Variants in ZFHX3 observed in about 807,000 individuals in gnomAD.
ZFHX3 encodes the protein zinc finger homeobox 3, also known as zinc finger homeobox protein 3.
Under a neutral mutation model 279.1 loss-of-function variants are expected in ZFHX3, and 42 were observed. That is an observed-to-expected ratio of 0.15 (90% CI 0.12 to 0.19). ZFHX3 has a LOEUF of 0.19. ZFHX3 is among the 10% of genes least tolerant of loss of function. The pLI is 1.00. For synonymous variants in ZFHX3, 2,293 were observed against 1,957.8 expected, an observed-to-expected ratio of 1.17 and a Z score of -4.52; for missense variants, 4,981 against 4,754.0, an observed-to-expected ratio of 1.05 and a Z score of -1.40.
At chr16:73,067,984 T>G (rs553053844) in intron 8 of ZFHX3, among the ~76,000 whole-genome samples, 31 of 152,262 alleles carry the variant, frequency 2.0e-4, no homozygotes, top group South Asian at 4.1e-4. Flanking sequence ...AGTTCAGCTC[T>G]CAGGAGCAAG....
intron 8 of ZFHX3, among the ~76,000 whole-genome samples, chr16:73,068,550 G>A (rs1216003574): frequency 6.6e-6 from 1 of 152,216 alleles, no homozygotes; most frequent in African/African-American, 2.4e-5. Context: ...ATTGCCTGGT[G>A]TGCCCCTTGG....
chr16:72,802,031 C>G (rs1243705282), intron 7 of ZFHX3, among the ~76,000 whole-genome samples: 1 of 151,860 alleles, frequency 6.6e-6, no homozygotes, highest in Non-Finnish European at 1.5e-5. Flanking sequence ...AAAAAAAAAG[C>G]CCTACAGAGT....
chr16:72,906,797 A>AC (rs959192536), intron 3 of ZFHX3, among the ~76,000 whole-genome samples: 1 of 151,768 alleles, frequency 6.6e-6, no homozygotes, highest in African/African-American at 2.4e-5. Flanking sequence ...GACTCTGTCC[A>AC]CCCCCCTTCC....
At chr16:73,345,534 T>C (rs1401759380) in intron 3 of ZFHX3, among the ~76,000 whole-genome samples, 1 of 152,144 alleles carries the variant, frequency 6.6e-6, no homozygotes, top group Non-Finnish European at 1.5e-5. Flanking sequence ...GGATAATGGC[T>C]TCCAGCTCCA....
At chr16:73,158,562 A>T (rs1419201787) in intron 5 of ZFHX3, among the ~76,000 whole-genome samples, 2 of 152,170 alleles carry the variant, frequency 1.3e-5, no homozygotes, top group African/African-American at 4.8e-5. Context: ...CATATACAGC[A>T]TAAACCAACA....
intron 2 of ZFHX3, among the ~76,000 whole-genome samples, chr16:73,671,208 C>T (rs1411683735): frequency 6.6e-6 from 1 of 152,188 alleles, no homozygotes; most frequent in Non-Finnish European, 1.5e-5. Context: ...AGCACAGCAG[C>T]GTGTTATTGA....
chr16:72,864,786 T>C (rs1330200982), intron 4 of ZFHX3, among the ~76,000 whole-genome samples: 1 of 152,220 alleles, frequency 6.6e-6, no homozygotes, highest in Non-Finnish European at 1.5e-5. Context: ...ATGAAAGCCA[T>C]CAATCATCTA....
intron 7 of ZFHX3, among the ~76,000 whole-genome samples, chr16:72,808,877 C>CAT (rs1338580315): frequency 2.0e-5 from 3 of 152,196 alleles, no homozygotes; most frequent in African/African-American, 7.2e-5. Flanking sequence ...GGTTATCAAA[C>CAT]ATTGGTATGC....
At chr16:73,770,594 T>C (rs2054006542) in intron 1 of ZFHX3, among the ~76,000 whole-genome samples, 2 of 152,186 alleles carry the variant, frequency 1.3e-5, no homozygotes, top group South Asian at 2.1e-4. Context: ...AAGTAAGATA[T>C]TGAGATGATC....
intron 3 of ZFHX3, chr16:73,401,371 AACACACACACACAC>A (rs10623513): frequency 2.5e-5 from 3 of 120,848 alleles, no homozygotes; most frequent in African/African-American, 9.6e-5. Context: ...CAAAAAACAA[AACACACACACACAC>A]ACACACACAC....
intron 2 of ZFHX3, among the ~76,000 whole-genome samples, chr16:73,587,857 C>A (rs1024272789): frequency 6.6e-6 from 1 of 152,108 alleles, no homozygotes; most frequent in East Asian, 1.9e-4. Flanking sequence ...CAAAAAAATG[C>A]AGAATTTTCA....
intron 1 of ZFHX3, among the ~76,000 whole-genome samples, chr16:73,873,690 T>G (rs2029877251): frequency 6.6e-6 from 1 of 152,158 alleles, no homozygotes; most frequent in Non-Finnish European, 1.5e-5. Flanking sequence ...TACATGGAAA[T>G]TGTGCTATGA....
intron 3 of ZFHX3, among the ~76,000 whole-genome samples, chr16:73,333,335 A>G (rs1018339097): frequency 1.3e-5 from 2 of 152,214 alleles, no homozygotes; most frequent in Non-Finnish European, 2.9e-5. Flanking sequence ...CACAAGATAC[A>G]TAGACACATA....
At chr16:73,746,637 T>A (rs1247137057) in intron 1 of ZFHX3, among the ~76,000 whole-genome samples, 1 of 152,182 alleles carries the variant, frequency 6.6e-6, no homozygotes, top group African/African-American at 2.4e-5. Context: ...TTTCTTAAAA[T>A]ATCAAAACAA....
At chr16:73,694,814 G>A (rs1323231097) in intron 1 of ZFHX3, among the ~76,000 whole-genome samples, 4 of 152,140 alleles carry the variant, frequency 2.6e-5, no homozygotes, top group African/African-American at 9.7e-5. Flanking sequence ...TTTTCATTAT[G>A]GTAACGAATG....
chr16:72,870,717 CAAAAAAAAA>C (rs71156125), intron 4 of ZFHX3, among the ~76,000 whole-genome samples: 2 of 101,562 alleles, frequency 2.0e-5, no homozygotes, highest in Non-Finnish European at 3.9e-5. Flanking sequence ...GACTCTGTCT[CAAAAAAAAA>C]AAAAAAAAAA....
chr16:73,162,108 C>G (rs747749406), intron 5 of ZFHX3, among the ~76,000 whole-genome samples: 1 of 152,208 alleles, frequency 6.6e-6, no homozygotes, highest in Non-Finnish European at 1.5e-5. Flanking sequence ...CCCTGGGGCA[C>G]AGACCAGTAT....
intron 5 of ZFHX3, among the ~76,000 whole-genome samples, chr16:73,236,382 G>A (rs1465408915): frequency 6.6e-6 from 1 of 152,200 alleles, no homozygotes; most frequent in Non-Finnish European, 1.5e-5. Flanking sequence ...TGGATCGCTT[G>A]AGATCAGGAG....
At chr16:73,229,636 G>T (rs1465173760) in intron 5 of ZFHX3, among the ~76,000 whole-genome samples, 1 of 152,120 alleles carries the variant, frequency 6.6e-6, no homozygotes, top group Non-Finnish European at 1.5e-5. Context: ...TCTTTTAAGG[G>T]CAGCATGGTT....
Sources: gnomAD v4.1 joint callset for allele counts (sites outside exome capture counted in the v4.1 genomes callset) on GRCh38, gnomAD v4.1.1 for gene constraint, MANE v1.5 for transcripts, NCBI Gene and HGNC (gene_info 2026-07-23, HGNC 2026-07-21) for gene names.